CTIF: variants seen among roughly 807,000 people sequenced by gnomAD.
The protein encoded by CTIF is CBP80/20-dependent translation initiation factor.
In CTIF, 21 loss-of-function variants were observed where a neutral mutation model predicts 66.0. That is an observed-to-expected ratio of 0.32 (90% CI 0.23 to 0.46). The LOEUF is 0.46. Among genes scored for constraint, CTIF ranks in the 20% least tolerant of loss-of-function variants. CTIF has a pLI of 1.00. For missense variants in CTIF, 739 were observed against 812.7 expected, an observed-to-expected ratio of 0.91 and a Z score of 1.10; for synonymous variants, 345 against 326.4, an observed-to-expected ratio of 1.06 and a Z score of -0.62.
At chr18:48,849,919 A>G (rs899208806) in intron 10 of CTIF, among the ~76,000 whole-genome samples, 2 of 152,116 alleles carry the variant, frequency 1.3e-5, no homozygotes, top group African/African-American at 2.4e-5. Flanking sequence ...CTTCTTTGGC[A>G]TTAAGCGTAT....
intron 1 of CTIF, among the ~76,000 whole-genome samples, chr18:48,603,138 G>GTGGATGGATGGATGGA (rs143398766): frequency 7.5e-6 from 1 of 132,962 alleles, no homozygotes; most frequent in African/African-American, 3.1e-5. Flanking sequence ...TGGCTAGATA[G>GTGGATGGATGGATGGA]TGGATGGATG....
At position 48,682,500 on chromosome 18, in the gene CTIF, G is replaced by A. The variant is rs113690356; in HGVS notation, c.507+11756G>A. Among the ~76,000 whole-genome samples, 450 of 152,304 alleles carry A rather than the reference G, an allele frequency of 3.0e-3. 2 individuals are homozygous for A. Among genetic ancestry groups the A allele is most frequent in the African/African-American group, 8.6e-3 (359 of 41,558 alleles). ...AACAAGCCCTCTGTGATACTGATGC[G>A]TGCAACAGTTGGAGAACCACTGCCT... On this transcript the variant is annotated intron_variant, in intron 6 of 11. Transcript: ENST00000256413.
intron 7 of CTIF, among the ~76,000 whole-genome samples, chr18:48,714,665 G>A (rs1426134951): frequency 6.6e-6 from 1 of 152,206 alleles, no homozygotes; most frequent in African/African-American, 2.4e-5. Context: ...GTTTTTGTGT[G>A]CCTTACTGCT....
At chr18:48,549,904 T>C (rs2145523535) in intron 1 of CTIF, among the ~76,000 whole-genome samples, 1 of 152,330 alleles carries the variant, frequency 6.6e-6, no homozygotes, top group South Asian at 2.1e-4. Context: ...AGTTTCAAGA[T>C]GTTTTTATTT....
chr18:48,602,973 A>T (rs1261507979), intron 1 of CTIF, among the ~76,000 whole-genome samples: 1 of 149,094 alleles, frequency 6.7e-6, no homozygotes, highest in Non-Finnish European at 1.5e-5. Context: ...GGATGGATGA[A>T]TGGGTAGATG....
At chr18:48,845,725 C>A (rs62103335) in intron 10 of CTIF, among the ~76,000 whole-genome samples, 1 of 152,044 alleles carries the variant, frequency 6.6e-6, no homozygotes, top group East Asian at 1.9e-4. Context: ...ATTTCTAACA[C>A]TGAACTCATT....
At chr18:48,793,801 C>T (rs1394956835) in intron 9 of CTIF, among the ~76,000 whole-genome samples, 1 of 152,250 alleles carries the variant, frequency 6.6e-6, no homozygotes, top group East Asian at 1.9e-4. Flanking sequence ...CAGTTTTATC[C>T]GACTTGAGTG....
At chr18:48,646,901 CAAAAAAAAAAA>C (rs35904615) in intron 3 of CTIF, among the ~76,000 whole-genome samples, 71 of 77,974 alleles carry the variant, frequency 9.1e-4, no homozygotes, top group South Asian at 3.9e-3. Context: ...TTGGCAGTTT[CAAAAAAAAAAA>C]AAAAAAAAAA....
At chr18:48,837,535 GC>G (rs2146511515) in intron 10 of CTIF, among the ~76,000 whole-genome samples, 1 of 152,246 alleles carries the variant, frequency 6.6e-6, no homozygotes, top group African/African-American at 2.4e-5. Context: ...GCCTGGGTGA[GC>G]CCAGCCCAAA....
At chr18:48,560,207 T>G (rs2089121784) in intron 1 of CTIF, among the ~76,000 whole-genome samples, 1 of 151,802 alleles carries the variant, frequency 6.6e-6, no homozygotes, top group Non-Finnish European at 1.5e-5. Context: ...TAGGAGGAAT[T>G]TCATAGAATT....
chr18:48,666,424 C>G (rs978788921), intron 5 of CTIF, among the ~76,000 whole-genome samples: 1 of 152,212 alleles, frequency 6.6e-6, no homozygotes, highest in African/African-American at 2.4e-5. Context: ...AAGTAACTTG[C>G]CTGAATAACA....
At chr18:48,648,995 G>C (rs1217521966) in intron 3 of CTIF, among the ~76,000 whole-genome samples, 1 of 152,170 alleles carries the variant, frequency 6.6e-6, no homozygotes, top group Non-Finnish European at 1.5e-5. Flanking sequence ...ATTCCAAGAT[G>C]GCCAAATAGG....
At chr18:48,585,998 T>A (rs570553910) in intron 1 of CTIF, among the ~76,000 whole-genome samples, 9 of 152,310 alleles carry the variant, frequency 5.9e-5, no homozygotes, top group African/African-American at 1.9e-4. Context: ...TGTGTTGTGA[T>A]GGTGGCGATG....
At chr18:48,832,551 G>T (rs1568253737) in intron 10 of CTIF, among the ~76,000 whole-genome samples, 2 of 152,296 alleles carry the variant, frequency 1.3e-5, no homozygotes, top group Non-Finnish European at 2.9e-5. Context: ...GGGACACAGT[G>T]CTGGGCAGGG....
At chr18:48,756,004 A>G (rs1360938426) in intron 7 of CTIF, 1 of 152,234 alleles carries the variant, frequency 6.6e-6, no homozygotes, top group African/African-American at 2.4e-5. Context: ...ACTTGGAGCT[A>G]AAGAAACTGG....
chr18:48,571,407 C>T (rs368657143), intron 1 of CTIF, among the ~76,000 whole-genome samples: 2 of 152,182 alleles, frequency 1.3e-5, no homozygotes, highest in African/African-American at 2.4e-5. Flanking sequence ...CCACCCTCCT[C>T]GGCCTCCCAA....
At position 48,619,682 on chromosome 18, in the gene CTIF, G is replaced by T. The variant is rs775740560; in HGVS notation, c.117G>T (p.Gly39=). Residue 39 remains glycine (G), a synonymous_variant, in exon 2 of 12, where the codon GGG becomes GGT. Transcript: ENST00000256413. ...ACGTGCTGGAGTACCAGGTGCAGGG[G>T]CTGCTGGCTGACAAGACGGAGGGTG... ...DSYVLEYQVQ[G]LLADKTEGDG... is the part of the protein sequence containing the mutation. 6.2e-7 allele frequency: 1 copy of T among 1,608,190 alleles called. No homozygotes were observed. The highest frequency in any genetic ancestry group is 2.2e-5 in the East Asian group (1 of 44,682).
At chr18:48,552,320 C>A (rs1013371203) in intron 1 of CTIF, among the ~76,000 whole-genome samples, 1 of 152,220 alleles carries the variant, frequency 6.6e-6, no homozygotes, top group East Asian at 1.9e-4. Flanking sequence ...GACGGGTTCT[C>A]TGAACTGTGC....
intron 1 of CTIF, among the ~76,000 whole-genome samples, chr18:48,571,086 G>A (rs1599161166): frequency 6.6e-6 from 1 of 152,190 alleles, no homozygotes; most frequent in South Asian, 2.1e-4. Context: ...TGCAAAGTAT[G>A]GAAGTATTGT....
Sources: allele counts gnomAD v4.1 joint callset (sites outside exome capture counted in the v4.1 genomes callset), GRCh38; gene constraint gnomAD v4.1.1; transcripts MANE v1.5; gene names NCBI Gene and HGNC (gene_info 2026-07-23, HGNC 2026-07-21).